The following CCDC148 variants were observed in gnomAD, a reference collection of about 807,000 sequenced individuals.
The protein encoded by CCDC148 is coiled-coil domain containing 148, also known as coiled-coil domain-containing protein 148.
A neutral mutation model predicts 85.7 loss-of-function variants in CCDC148; 89 were observed. The observed-to-expected ratio is 1.04, with a 90% CI of 0.87 to 1.24. The LOEUF (loss-of-function observed/expected upper bound fraction) is 1.24. CCDC148 is among the 50% of genes most tolerant of loss of function. The pLI, the probability that CCDC148 is intolerant of heterozygous loss-of-function variation, is 0.00. For missense variants in CCDC148, 692 were observed against 671.7 expected, an observed-to-expected ratio of 1.03 and a Z score of -0.33; for synonymous variants, 230 against 213.9, an observed-to-expected ratio of 1.08 and a Z score of -0.66.
At chr2:158,244,531 G>T (rs893279631) in intron 10 of CCDC148, among the ~76,000 whole-genome samples, 1 of 152,044 alleles carries the variant, frequency 6.6e-6, no homozygotes, top group South Asian at 2.1e-4. Context: ...CTGGCCATCA[G>T]CCCGGGCCAC....
chr2:158,400,889 A>T (rs1381851656), intron 1 of CCDC148, among the ~76,000 whole-genome samples: 2 of 152,252 alleles, frequency 1.3e-5, no homozygotes, highest in Admixed American at 1.3e-4. Context: ...AAGTGGGCAA[A>T]GGATATGAAC....
At chr2:158,274,015 C>T (rs1447504939) in intron 9 of CCDC148, among the ~76,000 whole-genome samples, 3 of 152,176 alleles carry the variant, frequency 2.0e-5, no homozygotes, top group Non-Finnish European at 4.4e-5. Context: ...GGGCTATGTT[C>T]CAGGATAACA....
intron 9 of CCDC148, among the ~76,000 whole-genome samples, chr2:158,283,142 A>G (rs985374642): frequency 1.8e-4 from 27 of 152,360 alleles, no homozygotes; most frequent in Non-Finnish European, 3.4e-4. Context: ...GATGGATTAA[A>G]GACTTAAACG....
At chr2:158,421,915 C>T (rs1371971352) in intron 1 of CCDC148, among the ~76,000 whole-genome samples, 5 of 152,020 alleles carry the variant, frequency 3.3e-5, no homozygotes, top group East Asian at 1.9e-4. Flanking sequence ...TTATCACCAC[C>T]GATCCCACAG....
chr2:158,422,308 A>C (rs1001095088), intron 1 of CCDC148, among the ~76,000 whole-genome samples: 1 of 152,024 alleles, frequency 6.6e-6, no homozygotes. Context: ...TAGACCAATA[A>C]ACCTTTCCTT....
At chr2:158,318,960 G>T (rs1287421575) in intron 7 of CCDC148, among the ~76,000 whole-genome samples, 1 of 151,906 alleles carries the variant, frequency 6.6e-6, no homozygotes, top group Non-Finnish European at 1.5e-5. Context: ...GTAGAGATGG[G>T]GTCTTGTTCT....
At position 158,309,553 on chromosome 2, in the gene CCDC148, TTTCTTATTTTTA is replaced by T; in HGVS notation, c.978_989del (p.Asn326_Lys329del). The T allele has an allele frequency of 1.9e-6, 3 of 1,613,738 alleles. No homozygotes were observed. Among genetic ancestry groups the T allele is most frequent in the Non-Finnish European group, 2.5e-6 (3 of 1,179,624 alleles). On this transcript the variant is annotated inframe_deletion, in exon 9 of 14. Coordinates refer to ENST00000283233, the MANE Select transcript of CCDC148 (RefSeq NM_138803.4). ...TCAGCACAGCCTTCTGTATAAAGTCTTTCTTATTTTTATTCCAATTTGATATCAGGATATTTT... is the reference window on the plus strand; with the variant it reads ...TCAGCACAGCCTTCTGTATAAAGTCTTTCCAATTTGATATCAGGATATTTT...
chr2:158,365,780 A>C (rs1371322806), intron 1 of CCDC148, among the ~76,000 whole-genome samples: 1 of 152,148 alleles, frequency 6.6e-6, no homozygotes, highest in African/African-American at 2.4e-5. Context: ...CATTCTGTAC[A>C]TGTACCCCAG....
chr2:158,308,930 G>A (rs188889487), intron 9 of CCDC148, among the ~76,000 whole-genome samples: 2 of 152,236 alleles, frequency 1.3e-5, no homozygotes, highest in East Asian at 3.9e-4. Flanking sequence ...AGATATTTCT[G>A]GGTCTGAGGA....
chr2:158,382,754 A>C (rs1477626004), intron 1 of CCDC148, among the ~76,000 whole-genome samples: 3 of 90,238 alleles, frequency 3.3e-5, no homozygotes, highest in African/African-American at 7.0e-5. Flanking sequence ...CTCTACTAAA[A>C]ATACAAAAAA....
chr2:158,443,175 A>C (rs1012655397), intron 1 of CCDC148, among the ~76,000 whole-genome samples: 3 of 152,034 alleles, frequency 2.0e-5, no homozygotes, highest in Admixed American at 6.6e-5. Context: ...ACAAAAAAAA[A>C]CAAACAAAAA....
chr2:158,438,933 C>T (rs895532463), intron 1 of CCDC148, among the ~76,000 whole-genome samples: 2 of 152,182 alleles, frequency 1.3e-5, no homozygotes, highest in African/African-American at 4.8e-5. Flanking sequence ...GAGATACCAT[C>T]TCATACTAGT....
intron 7 of CCDC148, among the ~76,000 whole-genome samples, chr2:158,338,297 T>C (rs1279522991): frequency 1.3e-5 from 2 of 152,174 alleles, no homozygotes; most frequent in Non-Finnish European, 2.9e-5. Flanking sequence ...AAGAAATTTT[T>C]TTAAAATTTA....
At chr2:158,239,217 T>A (rs75314369) in intron 10 of CCDC148, among the ~76,000 whole-genome samples, 5,782 of 152,058 alleles carry the variant, frequency 0.038, 233 homozygotes, top group African/African-American at 0.1. Context: ...TCAAGATTCT[T>A]TCTCTAAAAC....
intron 7 of CCDC148, chr2:158,338,486 G>A: frequency 2.9e-6 from 1 of 340,986 alleles, no homozygotes; most frequent in Non-Finnish European, 5.2e-6. Context: ...GTAGTGAAGA[G>A]CTCAATAAGA....
At chr2:158,452,915 A>G (rs577044362) in intron 1 of CCDC148, among the ~76,000 whole-genome samples, 4 of 152,352 alleles carry the variant, frequency 2.6e-5, no homozygotes, top group Admixed American at 2.6e-4. Flanking sequence ...AGTTTCACAT[A>G]CCAAAAAATG....
chr2:158,366,344 G>C (rs1684203124), intron 1 of CCDC148, among the ~76,000 whole-genome samples: 1 of 152,014 alleles, frequency 6.6e-6, no homozygotes, highest in Admixed American at 6.6e-5. Flanking sequence ...TAAAAAATTT[G>C]TTATTAGAAA....
rs557984763 is a variant in CCDC148 at position 158,403,922 on chromosome 2, G to A, written c.26-45352C>T. On this transcript the variant is annotated intron_variant, in intron 1 of 13. Transcript: ENST00000283233. ...AACAGCAAAGGCACAAACAGTTACT[G>A]TGCAGATACAACAAGTCTGAATTCA... is the stretch of plus-strand genomic sequence containing the variant. 1.4e-4 allele frequency among the ~76,000 whole-genome samples: 22 copies of A among 152,122 alleles called. 1 individual carries two copies. Among genetic ancestry groups the A allele is most frequent in the Non-Finnish European group, 2.5e-4 (17 of 68,008 alleles).
At chr2:158,433,844 G>A (rs985739066) in intron 1 of CCDC148, among the ~76,000 whole-genome samples, 4 of 152,244 alleles carry the variant, frequency 2.6e-5, no homozygotes, top group African/African-American at 4.8e-5. Context: ...CTGGCTCAGA[G>A]GGTCCCACGC....
Sources: allele counts gnomAD v4.1 joint callset (sites outside exome capture counted in the v4.1 genomes callset), GRCh38; gene constraint gnomAD v4.1.1; transcripts MANE v1.5; gene names NCBI Gene and HGNC (gene_info 2026-07-23, HGNC 2026-07-21).